NDRG3: variants seen among roughly 807,000 people sequenced by gnomAD.
The protein encoded by NDRG3 is NDRG family member 3.
Under a neutral mutation model 57.2 loss-of-function variants are expected in NDRG3, and 23 were observed. The ratio of observed to expected loss-of-function variants is 0.40; its 90% CI spans 0.29 to 0.57. The LOEUF is 0.57. NDRG3 is among the 20% of genes least tolerant of loss of function. The pLI is 0.42. For missense variants in NDRG3, 384 were observed against 457.3 expected (o/e 0.84, Z 1.46); for synonymous variants, 132 against 162.6 (o/e 0.81, Z 1.43).
chr20:36,725,050 C>T (rs778592960), intron 1 of NDRG3, among the ~76,000 whole-genome samples: 4 of 152,020 alleles, frequency 2.6e-5, no homozygotes, highest in Non-Finnish European at 5.9e-5. Flanking sequence ...AATCCCAGCA[C>T]TTTGGGAGGC....
chr20:36,682,487 G>A (rs201171191), intron 7 of NDRG3, 31 bp downstream of exon 7: 303 of 1,575,894 alleles, frequency 1.9e-4, no homozygotes, highest in Admixed American at 3.9e-4. Context: ...ACTGCCTCAA[G>A]GATGTTGAGG....
chr20:36,688,597 A>G, intron 4 of NDRG3, 82 bp downstream of exon 4: 1 of 1,034,252 alleles, frequency 9.7e-7, no homozygotes, highest in Non-Finnish European at 1.5e-6. Context: ...CCTCTGCTCT[A>G]TTAGAATATT....
chr20:36,654,773 G>A lies in NDRG3; in HGVS notation c.947-1072C>T, dbSNP rs768585284. The A allele has an allele frequency of 2.8e-5, 22 of 779,462 alleles. No homozygotes were observed. In the Middle Eastern group the frequency reaches 9.0e-4, roughly 32 times the overall value. 48.3% of individuals were successfully genotyped at this position (779,462 alleles called of 1,614,324 possible). A position where few individuals can be genotyped will look rare whatever the true frequency, so the allele number is the denominator to read the frequency against. Reference sequence around the variant, plus strand: ...GTGCAGCCAGGAGAGACTGGAAGGCGGGGCAGGGCCAGCACAGAGGAAGGT... The same window carrying A: ...GTGCAGCCAGGAGAGACTGGAAGGCAGGGCAGGGCCAGCACAGAGGAAGGT... On this transcript the variant is annotated intron_variant, in intron 15 of 15. Transcript: ENST00000349004.
chr20:36,706,581 T>C (rs1030338135), intron 3 of NDRG3, among the ~76,000 whole-genome samples: 4 of 152,178 alleles, frequency 2.6e-5, no homozygotes, highest in African/African-American at 9.7e-5. Context: ...CTCGGCTCAC[T>C]GAACCTCTGC....
chr20:36,667,799 T>G (rs886529325), intron 9 of NDRG3, among the ~76,000 whole-genome samples: 7 of 152,088 alleles, frequency 4.6e-5, no homozygotes, highest in Non-Finnish European at 1.0e-4. Context: ...TCTTCACATT[T>G]TCACAACCAT....
chr20:36,670,767 A>T (rs1980079697), intron 9 of NDRG3, among the ~76,000 whole-genome samples: 1 of 152,116 alleles, frequency 6.6e-6, no homozygotes, highest in Non-Finnish European at 1.5e-5. Flanking sequence ...CAGCTTTCTG[A>T]CCTCACTGCT....
At chr20:36,683,621 C>CAAAT (rs199913203) in intron 6 of NDRG3, among the ~76,000 whole-genome samples, 4,224 of 146,636 alleles carry the variant, frequency 0.029, 243 homozygotes, top group African/African-American at 0.1. Flanking sequence ...CATCTCAAAA[C>CAAAT]AAATAAATAA....
At chr20:36,658,181 G>C (rs745945616) in intron 13 of NDRG3, among the ~76,000 whole-genome samples, 4 of 152,104 alleles carry the variant, frequency 2.6e-5, no homozygotes, top group African/African-American at 4.8e-5. Context: ...GCCCAGGCTG[G>C]AGTGCAATGG....
chr20:36,682,280 C>T (rs1295743426), intron 7 of NDRG3, among the ~76,000 whole-genome samples: 1 of 152,106 alleles, frequency 6.6e-6, no homozygotes, highest in Non-Finnish European at 1.5e-5. Flanking sequence ...CACAAAATTC[C>T]ATTATAAGCA....
chr20:36,707,534 G>A (rs544174261), intron 2 of NDRG3, among the ~76,000 whole-genome samples: 180 of 152,274 alleles, frequency 1.2e-3, no homozygotes, highest in Middle Eastern at 6.8e-3. Flanking sequence ...TACTGAAGGA[G>A]GGAAAGAAAG....
intron 2 of NDRG3, among the ~76,000 whole-genome samples, chr20:36,716,425 T>C (rs1374633105): frequency 2.7e-5 from 4 of 149,660 alleles, no homozygotes; most frequent in Non-Finnish European, 4.4e-5. Context: ...CCCAGCTACT[T>C]GGGAGGCTGA....
At chr20:36,657,100 C>T (rs1370585686) in intron 13 of NDRG3, among the ~76,000 whole-genome samples, 2 of 152,122 alleles carry the variant, frequency 1.3e-5, no homozygotes, top group African/African-American at 4.8e-5. Context: ...CATTAGTGTG[C>T]CCTGGAATTA....
intron 5 of NDRG3, among the ~76,000 whole-genome samples, chr20:36,685,113 C>A (rs1334604805): frequency 6.6e-6 from 1 of 152,008 alleles, no homozygotes; most frequent in Non-Finnish European, 1.5e-5. Context: ...GGAGTCCAGG[C>A]TCAGTAAACC....
intron 8 of NDRG3, among the ~76,000 whole-genome samples, chr20:36,672,923 G>A (rs1980309291): frequency 6.6e-6 from 1 of 152,082 alleles, no homozygotes; most frequent in Non-Finnish European, 1.5e-5. Context: ...GAGTGCAGTG[G>A]CACCATCATA....
At chr20:36,679,389 A>G (rs1255915210) in intron 8 of NDRG3, among the ~76,000 whole-genome samples, 4 of 152,266 alleles carry the variant, frequency 2.6e-5, no homozygotes, top group Non-Finnish European at 1.5e-5. Flanking sequence ...ACTGAAAGAC[A>G]TAAGGAATAT....
chr20:36,731,199 A>C (rs1985266306), intron 1 of NDRG3, among the ~76,000 whole-genome samples: 1 of 152,176 alleles, frequency 6.6e-6, no homozygotes, highest in African/African-American at 2.4e-5. Flanking sequence ...AGAGATAAGG[A>C]GGTCTGTAGG....
At chr20:36,712,584 TATA>T (rs1452804722) in intron 2 of NDRG3, among the ~76,000 whole-genome samples, 39 of 40,828 alleles carry the variant, frequency 9.6e-4, no homozygotes, top group African/African-American at 2.8e-3. Flanking sequence ...TATATATATA[TATA>T]TTTTTTTTTT....
chr20:36,682,685 T>C, intron 6 of NDRG3, 107 bp from the exon 7 acceptor site: 1 of 907,560 alleles, frequency 1.1e-6, no homozygotes, highest in Middle Eastern at 2.2e-4. Flanking sequence ...CTGATATTTA[T>C]TAGATGTGAG....
chr20:36,696,844 G>A (rs946625439), intron 3 of NDRG3, among the ~76,000 whole-genome samples: 2 of 152,084 alleles, frequency 1.3e-5, no homozygotes, highest in East Asian at 1.9e-4. Context: ...TAATCCTTCC[G>A]GACTTTTATG....
Sources: allele counts gnomAD v4.1 joint callset (sites outside exome capture counted in the v4.1 genomes callset), GRCh38; gene constraint gnomAD v4.1.1; transcripts MANE v1.5; gene names NCBI Gene and HGNC (gene_info 2026-07-23, HGNC 2026-07-21).